Variants in USP31 observed in about 807,000 individuals in gnomAD.
The protein encoded by USP31 is ubiquitin carboxyl-terminal hydrolase 31.
USP31 carries 44 observed loss-of-function variants against 119.4 expected under a neutral mutation model. The observed-to-expected ratio is 0.37, with a 90% CI of 0.29 to 0.47. USP31 has a LOEUF of 0.47. USP31 is among the 20% of genes least tolerant of loss of function. The pLI is 0.99. For synonymous variants in USP31, 749 were observed against 705.6 expected (o/e 1.06, Z -0.97); for missense variants, 1,643 against 1,730.2 (o/e 0.95, Z 0.89).
intron 1 of USP31, among the ~76,000 whole-genome samples, chr16:23,136,984 G>A (rs1903213004): frequency 6.6e-6 from 1 of 151,878 alleles, no homozygotes; most frequent in Non-Finnish European, 1.5e-5. Context: ...AGGCCAAGGC[G>A]GGTGGATCAC....
At chr16:23,089,683 G>T (rs1294658913) in intron 7 of USP31, among the ~76,000 whole-genome samples, 1 of 152,110 alleles carries the variant, frequency 6.6e-6, no homozygotes, top group East Asian at 1.9e-4. Flanking sequence ...TCTGTCTCTT[G>T]TTAATACTCA....
At chr16:23,123,377 A>C (rs1462343521) in intron 1 of USP31, among the ~76,000 whole-genome samples, 1 of 151,992 alleles carries the variant, frequency 6.6e-6, no homozygotes, top group Non-Finnish European at 1.5e-5. Context: ...GTCTCTACTA[A>C]AAATACAAAA....
chr16:23,087,396 A>G (rs1901157621), intron 8 of USP31, among the ~76,000 whole-genome samples: 1 of 152,270 alleles, frequency 6.6e-6, no homozygotes, highest in African/African-American at 2.4e-5. Context: ...ATGTTATGCA[A>G]GACAAGTAAC....
chr16:23,137,608 ATG>A (rs1903231710), intron 1 of USP31, among the ~76,000 whole-genome samples: 1 of 151,310 alleles, frequency 6.6e-6, no homozygotes, highest in African/African-American at 2.4e-5. Flanking sequence ...ACATATATAT[ATG>A]TGTTATACAT....
chr16:23,106,374 G>T, intron 3 of USP31, 25 bp downstream of exon 3: 1 of 1,613,576 alleles, frequency 6.2e-7, no homozygotes, highest in Non-Finnish European at 8.5e-7. Context: ...AACAAAATAA[G>T]TGGAAACATC....
rs143996166 is a variant in USP31 at position 23,097,552 on chromosome 16, G to C, written c.1234+4767C>G. Among the ~76,000 whole-genome samples, 842 of 152,308 alleles carry C rather than the reference G, an allele frequency of 5.5e-3. 41 individuals are homozygous for C. The East Asian group carries it at 0.11, about 20-fold the overall frequency. Reference sequence around the variant, plus strand: ...AGAATTTTAGACCAGTATCTCTGATGAACATCGATGCAAAAATCCTCAATA... The same window carrying C: ...AGAATTTTAGACCAGTATCTCTGATCAACATCGATGCAAAAATCCTCAATA... On this transcript the variant is annotated intron_variant, in intron 6 of 15. Transcript: ENST00000219689.
rs1486006719 is a variant in USP31 at position 23,149,152 on chromosome 16, C to A, written c.119G>T (p.Gly40Val). The change falls in exon 1 of 16, where the codon GGC becomes GTC. Residue 40 changes from glycine to valine, a missense_variant. This residue lies in a region of USP31 where 302 missense variants were observed against 262.6 expected (regional missense o/e 1.15). Transcript: ENST00000219689. ...CGCGGCCGGCCCGGACGCCCCGGGG[C>A]CCCCCGCGCCGCCGCCGCCAGCGCG... is the stretch of plus-strand genomic sequence containing the variant. Reference protein sequence around the residue: ...SGRAGGGGAGGPGASGPAAPS... With the variant: ...SGRAGGGGAGVPGASGPAAPS... 5.9e-6 allele frequency: 7 copies of A among 1,177,168 alleles called. No homozygotes were observed. In the South Asian group the frequency reaches 1.7e-4, roughly 29 times the overall value. 72.9% of individuals were successfully genotyped at this position (1,177,168 alleles called of 1,614,324 possible).
In USP31 at chr16:23,138,004, G is replaced by A. The variant is rs543956358; in HGVS notation, c.633+10634C>T. ...AACAACCATATAAAATATCGTAAGCGGACAAGAAGTACAAAAATGTAAATC... is the reference window on the plus strand; with the variant it reads ...AACAACCATATAAAATATCGTAAGCAGACAAGAAGTACAAAAATGTAAATC... On this transcript the variant is annotated intron_variant, in intron 1 of 15. Coordinates refer to ENST00000219689, the MANE Select transcript of USP31 (RefSeq NM_020718.4). 2.3e-3 allele frequency among the ~76,000 whole-genome samples: 349 copies of A among 152,202 alleles called. 4 individuals are homozygous for A. The highest frequency in any genetic ancestry group is 6.9e-3 in the African/African-American group (288 of 41,534).
chr16:23,073,389 G>C lies in USP31; in HGVS notation c.2335+333C>G, dbSNP rs149198261. Among the ~76,000 whole-genome samples, 1,252 of 152,224 alleles carry C rather than the reference G, an allele frequency of 8.2e-3. 9 individuals are homozygous for C. The highest frequency in any genetic ancestry group is 0.013 in the African/African-American group (549 of 41,532). ...AGATGATTGCTATGTGGCCCAGATG[G>C]GACAGGCTCCAGGATAACCCCAGGA... is the stretch of plus-strand genomic sequence containing the variant. On this transcript the variant is annotated intron_variant, in intron 14 of 15. Transcript: ENST00000219689.
intron 1 of USP31, among the ~76,000 whole-genome samples, chr16:23,126,945 T>C (rs548183995): frequency 6.6e-6 from 1 of 152,108 alleles, no homozygotes; most frequent in Non-Finnish European, 1.5e-5. Context: ...ATTTAAACAA[T>C]GAAAGAATAA....
At position 23,117,751 on chromosome 16, in the gene USP31, C is replaced by CTTTTTTT. The variant is rs67615111; in HGVS notation, c.634-9575_634-9569dup. Among the ~76,000 whole-genome samples, 946 of 141,568 alleles carry CTTTTTTT rather than the reference C, an allele frequency of 6.7e-3. 3 individuals are homozygous for CTTTTTTT. The highest frequency in any genetic ancestry group is 0.022 in the African/African-American group (878 of 39,098). The allele number at this position is 141,568 out of a possible 152,430, so 92.9% of individuals were successfully genotyped here. A position where few individuals can be genotyped will look rare whatever the true frequency, so the allele number is the denominator to read the frequency against. On this transcript the variant is annotated intron_variant, in intron 1 of 15. Coordinates refer to ENST00000219689, the MANE Select transcript of USP31 (RefSeq NM_020718.4). ...TACTACGTTTGATTTTTTTCCTTTT[C>CTTTTTTT]TTTTTTTTTTTGTTGTTGTTGTTGT...
At position 23,122,382 on chromosome 16, in the gene USP31, C is replaced by A. The variant is rs182301850; in HGVS notation, c.634-14199G>T. Among the ~76,000 whole-genome samples the A allele has an allele frequency of 3.9e-5, 6 of 152,272 alleles. No homozygotes were observed. In the East Asian group the frequency reaches 1.2e-3, roughly 29 times the overall value. The stretch of plus-strand genomic sequence containing the variant: ...TGCTCGTGGGAATAAAATGGTATAG[C>A]AATGTTGGAAAAGTGCCTGACGGCT... On this transcript the variant is annotated intron_variant, in intron 1 of 15. Coordinates refer to ENST00000219689, the MANE Select transcript of USP31 (RefSeq NM_020718.4).
At chr16:23,101,599 T>C (rs771100351) in intron 6 of USP31, among the ~76,000 whole-genome samples, 2 of 152,080 alleles carry the variant, frequency 1.3e-5, no homozygotes, top group Non-Finnish European at 2.9e-5. Flanking sequence ...TTACTCGGTG[T>C]GGAGTAGGGA....
At chr16:23,146,591 T>C (rs1903513961) in intron 1 of USP31, among the ~76,000 whole-genome samples, 1 of 152,100 alleles carries the variant, frequency 6.6e-6, no homozygotes, top group South Asian at 2.1e-4. Context: ...CCAGTCCCTA[T>C]CTCAGTCAAG....
At chr16:23,088,635 C>T (rs950254423) in intron 7 of USP31, among the ~76,000 whole-genome samples, 2 of 152,180 alleles carry the variant, frequency 1.3e-5, no homozygotes, top group African/African-American at 4.8e-5. Flanking sequence ...CCTCCCCACC[C>T]TTCTGAGTCT....
chr16:23,093,315 TACAACTCAACAAAA>T (rs1237474636), intron 6 of USP31, among the ~76,000 whole-genome samples: 2 of 152,132 alleles, frequency 1.3e-5, no homozygotes, highest in African/African-American at 2.4e-5. Flanking sequence ...AAAGAATTCT[TACAACTCAACAAAA>T]ACAACTCAAC....
chr16:23,137,025 C>G (rs1054030468), intron 1 of USP31, among the ~76,000 whole-genome samples: 2 of 152,168 alleles, frequency 1.3e-5, no homozygotes, highest in Non-Finnish European at 2.9e-5. Flanking sequence ...CCAGCCTAGG[C>G]AACAAGGTAA....
At chr16:23,115,209 C>T (rs573886904) in intron 1 of USP31, among the ~76,000 whole-genome samples, 5 of 138,372 alleles carry the variant, frequency 3.6e-5, no homozygotes, top group African/African-American at 5.1e-5. Flanking sequence ...TTGCCTTTTA[C>T]GATTTTTTTT....
At chr16:23,123,130 T>C (rs979805277) in intron 1 of USP31, among the ~76,000 whole-genome samples, 2 of 152,168 alleles carry the variant, frequency 1.3e-5, no homozygotes, top group African/African-American at 4.8e-5. Flanking sequence ...TCTGGAGTGT[T>C]AGAGATGTCC....
Sources: allele counts gnomAD v4.1 joint callset (sites outside exome capture counted in the v4.1 genomes callset), GRCh38; gene constraint gnomAD v4.1.1; regional missense constraint gnomAD v4.1.1; transcripts MANE v1.5; gene names NCBI Gene and HGNC (gene_info 2026-07-23, HGNC 2026-07-21).